Variants in STIM1 observed in about 807,000 individuals in gnomAD.
STIM1 encodes stromal interaction molecule 1.
Under a neutral mutation model 74.7 loss-of-function variants are expected in STIM1, and 25 were observed. The observed-to-expected ratio is 0.33, with a 90% CI of 0.24 to 0.47. The LOEUF (loss-of-function observed/expected upper bound fraction) is 0.47, where lower values mean the gene tolerates loss of function less well. Among genes scored for constraint, STIM1 ranks in the 20% least tolerant of loss-of-function variants. The pLI is 1.00. For synonymous variants in STIM1, 328 were observed against 348.8 expected (o/e 0.94, Z 0.66); for missense variants, 728 against 920.8 (o/e 0.79, Z 2.71).
intron 3 of STIM1, among the ~76,000 whole-genome samples, chr11:4,047,486 T>TTAATTAC (rs2094202401): frequency 6.6e-6 from 1 of 152,016 alleles, no homozygotes; most frequent in Non-Finnish European, 1.5e-5. Flanking sequence ...TGTGGCGGCA[T>TTAATTAC]GTGTCTGTAA....
At chr11:4,004,326 C>T (rs2093753969) in intron 2 of STIM1, among the ~76,000 whole-genome samples, 1 of 151,992 alleles carries the variant, frequency 6.6e-6, no homozygotes, top group Non-Finnish European at 1.5e-5. Context: ...CGCTACCTGA[C>T]TTCAAACTAT....
intron 1 of STIM1, chr11:3,892,863 C>T (rs989200553): frequency 3.1e-5 from 50 of 1,599,012 alleles, no homozygotes; most frequent in African/African-American, 1.6e-4. Context: ...ACAGCAATGT[C>T]GAAGAACACG....
chr11:4,004,790 T>C (rs1344523173), intron 2 of STIM1, among the ~76,000 whole-genome samples: 1 of 151,772 alleles, frequency 6.6e-6, no homozygotes, highest in African/African-American at 2.4e-5. Context: ...ACCATCAGAG[T>C]GAACAGGCAA....
chr11:4,078,884 C>T (rs1348701540), intron 7 of STIM1, among the ~76,000 whole-genome samples: 1 of 151,870 alleles, frequency 6.6e-6, no homozygotes, highest in African/African-American at 2.4e-5. Context: ...ACCCTTTACT[C>T]TTAAAAACTA....
At position 3,954,994 on chromosome 11, in the gene STIM1, G is replaced by A. The variant is rs145145249; in HGVS notation, c.140-12558G>A. ...TTGTAAAATAGCCAAAAACTGATGA[G>A]TGGATAAACAAGTGGTGGTATAGCC... On this transcript the variant is annotated intron_variant, in intron 1 of 12. Transcript: ENST00000526596. 6.4e-3 allele frequency among the ~76,000 whole-genome samples: 980 copies of A among 152,336 alleles called. 10 individuals are homozygous for A. Among genetic ancestry groups the A allele is most frequent in the African/African-American group, 0.022 (924 of 41,576 alleles).
chr11:4,031,793 T>C (rs1163822278), intron 3 of STIM1, among the ~76,000 whole-genome samples: 2 of 152,224 alleles, frequency 1.3e-5, no homozygotes, highest in African/African-American at 4.8e-5. Flanking sequence ...ATATATACTT[T>C]GCTAAGATTT....
intron 3 of STIM1, 119 bp downstream of exon 3, chr11:4,024,106 G>C (rs1590656900): frequency 1.3e-6 from 1 of 767,136 alleles, no homozygotes. Flanking sequence ...AATTATTGAA[G>C]TTATTCTACA....
chr11:3,944,620 T>C (rs973716438), intron 1 of STIM1, among the ~76,000 whole-genome samples: 3 of 152,238 alleles, frequency 2.0e-5, no homozygotes, highest in Non-Finnish European at 2.9e-5. Context: ...TAAGAGACTT[T>C]CTTCTGTCAC....
chr11:3,991,952 AAAAAAAAAAAAAAAAAAAAAG>A, intron 2 of STIM1, among the ~76,000 whole-genome samples: 1 of 106,108 alleles, frequency 9.4e-6, no homozygotes, highest in East Asian at 2.5e-4. Context: ...CTCCATCTCA[AAAAAAAAAAAAAAAAAAAAAG>A]AAAAAAAAAA....
At chr11:4,034,264 A>T (rs1001715371) in intron 3 of STIM1, among the ~76,000 whole-genome samples, 1 of 151,224 alleles carries the variant, frequency 6.6e-6, no homozygotes, top group African/African-American at 2.4e-5. Context: ...TAACAAAATT[A>T]TATATATATA....
intron 2 of STIM1, among the ~76,000 whole-genome samples, chr11:3,975,132 T>A (rs2093434332): frequency 6.6e-6 from 1 of 152,166 alleles, no homozygotes; most frequent in Non-Finnish European, 1.5e-5. Context: ...GGTGATTAAG[T>A]GATAAGAAAA....
intron 2 of STIM1, among the ~76,000 whole-genome samples, chr11:3,997,858 C>G (rs565299977): frequency 3.9e-4 from 60 of 152,258 alleles, no homozygotes; most frequent in Non-Finnish European, 7.2e-4. Context: ...TAAAAGCTTT[C>G]AAAGAATCAT....
At chr11:4,002,232 C>T (rs543020059) in intron 2 of STIM1, among the ~76,000 whole-genome samples, 65 of 151,238 alleles carry the variant, frequency 4.3e-4, no homozygotes, top group African/African-American at 1.2e-3. Flanking sequence ...CTGCACCAAG[C>T]GGACCTAATA....
intron 4 of STIM1, among the ~76,000 whole-genome samples, chr11:4,057,826 C>T (rs944362789): frequency 7.3e-5 from 11 of 149,980 alleles, no homozygotes; most frequent in African/African-American, 1.5e-4. Flanking sequence ...GCTGAGATCG[C>T]GCCACTGCAC....
intron 1 of STIM1, among the ~76,000 whole-genome samples, chr11:3,924,476 G>A (rs2092763306): frequency 6.6e-6 from 1 of 152,220 alleles, no homozygotes; most frequent in South Asian, 2.1e-4. Context: ...GAGATTACAG[G>A]CGTGAGCCAC....
chr11:3,932,572 G>C (rs2092879703), intron 1 of STIM1, among the ~76,000 whole-genome samples: 3 of 149,076 alleles, frequency 2.0e-5, no homozygotes. Context: ...TGAGGCAGGA[G>C]AATGGCATGA....
intron 5 of STIM1, among the ~76,000 whole-genome samples, chr11:4,063,149 T>A (rs1485553028): frequency 6.6e-6 from 1 of 152,198 alleles, no homozygotes; most frequent in Non-Finnish European, 1.5e-5. Context: ...CTAATAGATA[T>A]GGCATTTCTT....
intron 1 of STIM1, among the ~76,000 whole-genome samples, chr11:3,942,881 GC>G (rs2093027990): frequency 6.6e-6 from 1 of 152,148 alleles, no homozygotes; most frequent in Non-Finnish European, 1.5e-5. Flanking sequence ...GTGTTTGAGA[GC>G]AAGGTAGAGA....
chr11:4,069,088 G>C (rs2094387071), intron 5 of STIM1, among the ~76,000 whole-genome samples: 1 of 152,138 alleles, frequency 6.6e-6, no homozygotes, highest in African/African-American at 2.4e-5. Context: ...CCTAGACAGA[G>C]GATGCAGGAG....
Sources: allele counts gnomAD v4.1 joint callset (sites outside exome capture counted in the v4.1 genomes callset), GRCh38; gene constraint gnomAD v4.1.1; transcripts MANE v1.5; gene names NCBI Gene and HGNC (gene_info 2026-07-23, HGNC 2026-07-21).